The following SPIRE2 variants were observed in gnomAD, a reference collection of about 807,000 sequenced individuals.
SPIRE2 encodes spire type actin nucleation factor 2.
SPIRE2 carries 76 observed loss-of-function variants against 80.7 expected under a neutral mutation model. That is an observed-to-expected ratio of 0.94 (90% confidence interval 0.78 to 1.14). SPIRE2 has a LOEUF of 1.14. SPIRE2 is among the 50% of genes most tolerant of loss of function. SPIRE2 has a pLI of 0.00. For missense variants in SPIRE2, 1,196 were observed against 1,015.3 expected, an observed-to-expected ratio of 1.18 and a Z score of -2.42; for synonymous variants, 535 against 432.6, an observed-to-expected ratio of 1.24 and a Z score of -2.94.
At chr16:89,849,253 C>G (rs538327123) in intron 2 of SPIRE2, among the ~76,000 whole-genome samples, 1 of 152,352 alleles carries the variant, frequency 6.6e-6, no homozygotes, top group African/African-American at 2.4e-5. Context: ...CATGGCCCCC[C>G]ACCCTGGCAG....
At chr16:89,858,132 G>T (rs899696901) in intron 7 of SPIRE2, among the ~76,000 whole-genome samples, 1 of 151,914 alleles carries the variant, frequency 6.6e-6, no homozygotes. Flanking sequence ...TGATCCACCC[G>T]CCTTGGCCTC....
In SPIRE2 at chr16:89,863,398, G is replaced by T. The variant is rs2041761016; in HGVS notation, c.1576-78G>T. On this transcript the variant is annotated intron_variant, in intron 10 of 14. Coordinates refer to ENST00000378247, the MANE Select transcript of SPIRE2 (RefSeq NM_032451.2). The surrounding 1 kb of genome is among the most constrained non-coding windows in gnomAD (Gnocchi z 4.3). The stretch of plus-strand genomic sequence containing the variant: ...CTTGTTTAGGCTGAGGCCAGGGAGG[G>T]TTAGGGTCCTCAGGGAAGGAGAGTA... The T allele has an allele frequency of 6.4e-7, 1 of 1,552,534 alleles. No homozygotes were observed. The highest frequency in any genetic ancestry group is 1.4e-5 in the African/African-American group (1 of 73,336).
intron 4 of SPIRE2, 25 bp from the exon 5 acceptor site, chr16:89,854,462 C>T: frequency 1.2e-6 from 2 of 1,611,232 alleles, no homozygotes; most frequent in African/African-American, 2.7e-5. Flanking sequence ...GGGGCTGAGA[C>T]CCATTCTCTT....
At chr16:89,853,216 TG>T (rs1430080659) in intron 3 of SPIRE2, among the ~76,000 whole-genome samples, 1 of 152,200 alleles carries the variant, frequency 6.6e-6, no homozygotes, top group African/African-American at 2.4e-5. Flanking sequence ...TTGCCCAGGC[TG>T]GTCTCAAACT....
At chr16:89,869,345 C>CT (rs1043226062) in intron 13 of SPIRE2, among the ~76,000 whole-genome samples, 1 of 151,966 alleles carries the variant, frequency 6.6e-6, no homozygotes, top group South Asian at 2.1e-4. Flanking sequence ...TTCTTGCGCT[C>CT]TAAGAAGCCC....
intron 2 of SPIRE2, among the ~76,000 whole-genome samples, chr16:89,848,293 G>A (rs1442677820): frequency 6.6e-6 from 1 of 152,238 alleles, no homozygotes; most frequent in African/African-American, 2.4e-5. Flanking sequence ...CTTGGCTGCT[G>A]CAGCGCCCTC....
rs1200118724 is a variant in SPIRE2, at chr16:89,854,713, G to A, written c.891+62G>A. The A allele has an allele frequency of 3.0e-5, 47 of 1,559,312 alleles. 1 individual carries two copies. The highest frequency in any genetic ancestry group is 3.7e-5 in the Non-Finnish European group (43 of 1,149,170). On this transcript the variant is annotated intron_variant, in intron 5 of 14. Transcript: ENST00000378247. ...AGAGGTCGTGGTGAGCGGGGCGGAC[G>A]CAGATGAGCAGCCTGGATGTTGGGC...
At chr16:89,868,080 A>C in intron 12 of SPIRE2, 109 bp from the exon 13 acceptor site, 1 of 1,197,096 alleles carries the variant, frequency 8.4e-7, no homozygotes, top group Non-Finnish European at 1.2e-6. Context: ...ATCAGGCAGA[A>C]GGCAAGGATG....
intron 1 of SPIRE2, among the ~76,000 whole-genome samples, chr16:89,835,062 CTG>C (rs1467149685): frequency 2.5e-4 from 36 of 146,644 alleles, no homozygotes; most frequent in African/African-American, 8.4e-4. Context: ...CCGTGTGAAT[CTG>C]TGAACCTGCC....
rs773773578 is a variant in SPIRE2, at chr16:89,868,205, T to G, written c.1795T>G (p.Cys599Gly). ...LFCKRAVCTS[C>G]SIKMKMPSKK... The stretch of plus-strand genomic sequence containing the variant: ...CCCTTCCAGAGCCGTCTGCACTTCC[T>G]GTAGCATAAAGGTGAGGACCATGTG... The change falls in exon 13 of 15, where the codon TGT (cysteine) becomes GGT (glycine). Residue 599 changes from cysteine to glycine, a missense_variant. Transcript: ENST00000378247. 2.3e-5 allele frequency: 37 copies of G among 1,614,064 alleles called. No individual in the cohort carries two copies. Among genetic ancestry groups the G allele is most frequent in the Middle Eastern group, 1.6e-4 (1 of 6,062 alleles).
At chr16:89,844,281 G>A (rs905957227) in intron 1 of SPIRE2, among the ~76,000 whole-genome samples, 3 of 151,942 alleles carry the variant, frequency 2.0e-5, no homozygotes, top group Admixed American at 6.6e-5. Flanking sequence ...CGATTCTCAC[G>A]CCTCAGTCTC....
At chr16:89,854,428 C>A in intron 4 of SPIRE2, 59 bp from the exon 5 acceptor site, 3 of 1,610,748 alleles carry the variant, frequency 1.9e-6, no homozygotes, top group Non-Finnish European at 8.5e-7. Flanking sequence ...GGGTCTCTGC[C>A]TGGGGGGCCG....
chr16:89,866,041 T>C (rs570984504), intron 12 of SPIRE2, among the ~76,000 whole-genome samples: 1 of 150,940 alleles, frequency 6.6e-6, no homozygotes, highest in Admixed American at 6.6e-5. Flanking sequence ...CCCAGCACTT[T>C]GGGAGGCTGA....
At chr16:89,850,865 T>G (rs1314373720) in intron 3 of SPIRE2, among the ~76,000 whole-genome samples, 3 of 152,092 alleles carry the variant, frequency 2.0e-5, no homozygotes, top group Non-Finnish European at 4.4e-5. Flanking sequence ...AGACAGGGTC[T>G]CACTCTGTCA....
intron 1 of SPIRE2, among the ~76,000 whole-genome samples, chr16:89,830,330 G>A (rs571628012): frequency 1.3e-4 from 20 of 151,334 alleles, no homozygotes; most frequent in African/African-American, 4.6e-4. Flanking sequence ...CCCACCTGTG[G>A]TCCAGTTCAT....
At position 89,870,332 on chromosome 16, in the gene SPIRE2, G is replaced by A. The variant is rs571367555; in HGVS notation, c.*60G>A. ...GGCAGGCCCTGTATCAGGCTAGGAC[G>A]CTCTGAGCTGTGCATGTACATATAT... On this transcript the variant is annotated 3_prime_UTR_variant, in exon 15 of 15. Transcript: ENST00000378247. 1.6e-4 allele frequency: 166 copies of A among 1,066,112 alleles called. 1 individual carries two copies. The highest frequency in any genetic ancestry group is 2.2e-4 in the Non-Finnish European group (157 of 715,212). 66.0% of individuals were successfully genotyped at this position (1,066,112 alleles called of 1,614,324 possible). A position where few individuals can be genotyped will look rare whatever the true frequency, so the allele number is the denominator to read the frequency against.
chr16:89,856,025 C>T (rs1794427728), intron 6 of SPIRE2, 88 bp from the exon 7 acceptor site: 2 of 1,556,566 alleles, frequency 1.3e-6, no homozygotes, highest in African/African-American at 2.7e-5. Flanking sequence ...GTCACTTCCC[C>T]ACCACAGGTC....
chr16:89,857,412 G>A (rs988425077), intron 7 of SPIRE2, among the ~76,000 whole-genome samples: 3 of 151,836 alleles, frequency 2.0e-5, no homozygotes, highest in South Asian at 4.2e-4. Flanking sequence ...CTGGGATTAT[G>A]GGTGTGAGCC....
chr16:89,829,848 A>G lies in SPIRE2; in HGVS notation c.244+1054A>G, dbSNP rs754518572. Among the ~76,000 whole-genome samples the G allele has an allele frequency of 4.4e-4, 66 of 151,564 alleles. 2 individuals are homozygous for G. Among genetic ancestry groups the G allele is most frequent in the Middle Eastern group, 3.4e-3 (1 of 294 alleles). The stretch of plus-strand genomic sequence containing the variant: ...CTTGCGCTGGCACTCAGACAGTGGC[A>G]GCGTTCAGATTCACTGTGGCGTCCC... On this transcript the variant is annotated intron_variant, in intron 1 of 14. Coordinates refer to ENST00000378247, the MANE Select transcript of SPIRE2 (RefSeq NM_032451.2).
Sources: gnomAD v4.1 joint callset for allele counts (sites outside exome capture counted in the v4.1 genomes callset) on GRCh38, gnomAD v4.1.1 for gene constraint, Gnocchi (gnomAD v3.1) non-coding constraint, MANE v1.5 for transcripts, NCBI Gene and HGNC (gene_info 2026-07-23, HGNC 2026-07-21) for gene names.